ZNF511: variants seen among roughly 807,000 people sequenced by gnomAD.
The protein encoded by ZNF511 is zinc finger protein 511.
ZNF511 carries 26 observed loss-of-function variants against 24.8 expected under a neutral mutation model. That is an observed-to-expected ratio of 1.05 (90% CI 0.77 to 1.46). The LOEUF (loss-of-function observed/expected upper bound fraction) is 1.46, where lower values mean the gene tolerates loss of function less well. Among genes scored for constraint, ZNF511 ranks in the 40% most tolerant of loss-of-function variants. The pLI is 0.00. For missense variants in ZNF511, 358 were observed against 345.0 expected (o/e 1.04, Z -0.30); for synonymous variants, 144 against 139.6 (o/e 1.03, Z -0.22).
chr10:133,311,867 C>T (rs1847996986), intron 5 of ZNF511, 26 bp downstream of exon 5: 2 of 1,613,298 alleles, frequency 1.2e-6, no homozygotes, highest in Non-Finnish European at 1.7e-6. Flanking sequence ...CTTTCTGAAA[C>T]CCGTTCTCAA....
chr10:133,309,124 G>C lies in ZNF511; in HGVS notation c.153+28G>C, dbSNP rs12412186. On this transcript the variant is annotated intron_variant, in intron 1 of 5. Coordinates refer to ENST00000361518, the MANE Select transcript of ZNF511 (RefSeq NM_145806.4). ...GCGTGAGCAAAAGAGGGAAAAAGTAGTTGTAGGATCCAGTGGGGCCTACGG... is the reference window on the plus strand; with the variant it reads ...GCGTGAGCAAAAGAGGGAAAAAGTACTTGTAGGATCCAGTGGGGCCTACGG... 44 of 1,358,568 alleles carry C rather than the reference G, an allele frequency of 3.2e-5. No individual in the cohort carries two copies. The Admixed American group carries it at 1.5e-3, about 48-fold the overall frequency. The allele number at this position is 1,358,568 out of a possible 1,614,324, so 84.2% of individuals were successfully genotyped here.
chr10:133,309,334 C>T (rs1847928912), intron 1 of ZNF511, 56 bp from the exon 2 acceptor site: 8 of 1,575,012 alleles, frequency 5.1e-6, no homozygotes, highest in African/African-American at 1.4e-5. Context: ...CGAGGCCTGA[C>T]GCGGTGGGCG....
At chr10:133,312,598 C>T (rs1373292844) in intron 5 of ZNF511, 190 bp from the exon 6 acceptor site, 13 of 1,473,900 alleles carry the variant, frequency 8.8e-6, no homozygotes, top group South Asian at 4.2e-5. Flanking sequence ...TGGTGGCTGG[C>T]GGGGACCCCC....
At chr10:133,312,205 G>A (rs1274174609) in intron 5 of ZNF511, 3 of 1,401,544 alleles carry the variant, frequency 2.1e-6, no homozygotes, top group Non-Finnish European at 2.8e-6. Context: ...TGTGCCGTCT[G>A]CGTTTCTAGC....
intron 5 of ZNF511, chr10:133,312,470 G>A (rs1251946835): frequency 3.2e-6 from 4 of 1,239,924 alleles, no homozygotes; most frequent in African/African-American, 3.1e-5. Flanking sequence ...AATGAGCCCC[G>A]GGGGGCTGGG....
In ZNF511 at chr10:133,311,788, G is replaced by A. The variant is rs764507909; in HGVS notation, c.627G>A (p.Glu209=). 1.7e-5 allele frequency: 27 copies of A among 1,613,382 alleles called. No homozygotes were observed. The highest frequency in any genetic ancestry group is 2.2e-5 in the Non-Finnish European group (26 of 1,180,050). The change falls in exon 5 of 6, where the codon GAG becomes GAA. Residue 209 remains glutamate, a synonymous_variant. Coordinates refer to ENST00000361518, the MANE Select transcript of ZNF511 (RefSeq NM_145806.4). ...SEGEAMEICS[E]PVAASPAPAG... ...GGGAGGCCATGGAAATCTGCTCTGAGCCTGTGGCAGCCTCCCCTGCACCGG... is the reference window on the plus strand; with the variant it reads ...GGGAGGCCATGGAAATCTGCTCTGAACCTGTGGCAGCCTCCCCTGCACCGG...
chr10:133,309,337 G>T (rs1847929096), intron 1 of ZNF511, 53 bp from the exon 2 acceptor site: 1 of 1,579,816 alleles, frequency 6.3e-7, no homozygotes, highest in Non-Finnish European at 8.6e-7. Flanking sequence ...GGCCTGACGC[G>T]GTGGGCGTGC....
At chr10:133,309,321 G>A (rs1391457890) in intron 1 of ZNF511, 69 bp from the exon 2 acceptor site, 2 of 1,546,654 alleles carry the variant, frequency 1.3e-6, no homozygotes, top group Non-Finnish European at 1.8e-6. Flanking sequence ...CCACGGGTGT[G>A]GGCGAGGCCT....
chr10:133,310,637 C>T (rs2136153223), intron 4 of ZNF511: 1 of 318,198 alleles, frequency 3.1e-6, no homozygotes. Flanking sequence ...ACTCACACCC[C>T]TCGGGGCCGT....
In ZNF511 at chr10:133,309,469, C is replaced by T; in HGVS notation, c.227+6C>T. 1 of 1,611,370 alleles carries T rather than the reference C, an allele frequency of 6.2e-7. No homozygotes were observed. Among genetic ancestry groups the T allele is most frequent in the Non-Finnish European group, 8.5e-7 (1 of 1,179,212 alleles). ...GACGTGCCTGAGAAGCCCAGGTAAG[C>T]GAATGGGCAGTGCCTAGCCAGTGCT... On this transcript the variant is annotated splice_donor_region_variant and intron_variant, in intron 2 of 5. Coordinates refer to ENST00000361518, the MANE Select transcript of ZNF511 (RefSeq NM_145806.4).
In ZNF511 at chr10:133,311,933, C is replaced by G. The variant is rs759032605; in HGVS notation, c.680+92C>G. 1.1e-4 allele frequency: 184 copies of G among 1,613,006 alleles called. No individual in the cohort carries two copies. In the Admixed American group the frequency reaches 3.0e-3, roughly 26 times the overall value. ...CACCTGGGCCGCAGCTCTTCTCATA[C>G]TGAATTCAGAAAGGTAACGCTGGGT... On this transcript the variant is annotated intron_variant, in intron 5 of 5. Transcript: ENST00000361518.
At chr10:133,310,446 A>C in intron 4 of ZNF511, 158 bp downstream of exon 4, 1 of 965,426 alleles carries the variant, frequency 1.0e-6, no homozygotes. Flanking sequence ...ACACAGCTAC[A>C]GGTGGTTGTG....
intron 4 of ZNF511, 40 bp from the exon 5 acceptor site, chr10:133,311,676 G>A: frequency 6.5e-7 from 1 of 1,543,212 alleles, no homozygotes; most frequent in East Asian, 2.3e-5. Flanking sequence ...GGGGCTGTGG[G>A]AGCCGTGCAG....
chr10:133,310,267 A>G lies in ZNF511; in HGVS notation c.533A>G (p.Asp178Gly). ...CTGTACCCCGCGGACTTCCGGTTTGATAAGCCAAAGAAAAGCAGAAGGTAG... is the reference window on the plus strand; with the variant it reads ...CTGTACCCCGCGGACTTCCGGTTTGGTAAGCCAAAGAAAAGCAGAAGGTAG... The part of the protein sequence containing the change: ...MHLYPADFRF[D>G]KPKKSRSPAS... The change falls in exon 4 of 6, where the codon GAT (aspartate) becomes GGT (glycine). Residue 178 changes from aspartate to glycine, a missense_variant. Coordinates refer to ENST00000361518, the MANE Select transcript of ZNF511 (RefSeq NM_145806.4). 6.2e-7 allele frequency: 1 copy of G among 1,614,008 alleles called. No individual in the cohort carries two copies. Among genetic ancestry groups the G allele is most frequent in the Non-Finnish European group, 8.5e-7 (1 of 1,180,034 alleles).
chr10:133,312,516 C>T, intron 5 of ZNF511: 1 of 1,343,948 alleles, frequency 7.4e-7, no homozygotes, highest in Non-Finnish European at 9.5e-7. Context: ...CATGGGGTAG[C>T]AGGAAGTCTC....
In ZNF511 at chr10:133,313,078, G is replaced by A. The variant is rs1233350476; in HGVS notation, c.*212G>A. ...AACGACCTGGACACACTATTGGGAA[G>A]GAGATGTGGACGGCCTGTCTCCTCC... On this transcript the variant is annotated 3_prime_UTR_variant, in exon 6 of 6. Transcript: ENST00000361518. 7.6e-7 allele frequency: 1 copy of A among 1,321,236 alleles called. No individual in the cohort carries two copies. Among genetic ancestry groups the A allele is most frequent in the Non-Finnish European group, 9.9e-7 (1 of 1,006,164 alleles). The allele number at this position is 1,321,236 out of a possible 1,614,324, so 81.8% of individuals were successfully genotyped here.
chr10:133,311,639 C>G (rs1356756615), intron 4 of ZNF511, 77 bp from the exon 5 acceptor site: 3 of 1,271,886 alleles, frequency 2.4e-6, no homozygotes, highest in Non-Finnish European at 3.3e-6. Context: ...CAGTTTCTTT[C>G]TTGCATGTTC....
rs41317290 is a variant in ZNF511, at chr10:133,311,869, C to T, written c.680+28C>T. On this transcript the variant is annotated intron_variant, in intron 5 of 5. Transcript: ENST00000361518. ...CAGTGTCTGAGCTCTTTCTGAAACC[C>T]GTTCTCAACATGTGTTCGGTGCTGA... is the stretch of plus-strand genomic sequence containing the variant. 5,967 of 1,613,314 alleles carry T rather than the reference C, an allele frequency of 3.7e-3. 13 individuals carry two copies. The highest frequency in any genetic ancestry group is 4.4e-3 in the Non-Finnish European group (5,229 of 1,180,052).
rs984252742 is a variant in ZNF511 at position 133,312,913 on chromosome 10, C to T, written c.*47C>T. ...GGGCAGTCACCACTGCTGGGCGTGG[C>T]ATCCGCCTTGGGCCTTTCTCCGACC... On this transcript the variant is annotated 3_prime_UTR_variant, in exon 6 of 6. Transcript: ENST00000361518. 16 of 1,612,212 alleles carry T rather than the reference C, an allele frequency of 9.9e-6. No homozygotes were observed. The highest frequency in any genetic ancestry group is 1.3e-5 in the African/African-American group (1 of 74,892).
Sources: allele counts gnomAD v4.1 joint callset, GRCh38; gene constraint gnomAD v4.1.1; transcripts MANE v1.5; gene names NCBI Gene and HGNC (gene_info 2026-07-23, HGNC 2026-07-21).